ZNF678: variants seen among roughly 807,000 people sequenced by gnomAD.
ZNF678 encodes the protein zinc finger protein 678, also known as hypothetical protein MGC42493.
ZNF678 carries 5 observed loss-of-function variants against 3.0 expected under a neutral mutation model. That is an observed-to-expected ratio of 1.69 (90% CI 0.88 to 3.56). ZNF678 has a LOEUF of 3.56. Among genes scored for constraint, ZNF678 ranks in the 30% most tolerant of loss-of-function variants. The pLI is 0.00. For synonymous variants in ZNF678, 218 were observed against 199.6 expected (o/e 1.09, Z -0.78); for missense variants, 593 against 605.0 (o/e 0.98, Z 0.21).
Position 227,656,926 on chromosome 1 carries a change from A to G in ZNF678, c.*1098A>G. On this transcript the variant is annotated 3_prime_UTR_variant, in exon 4 of 4. Coordinates refer to ENST00000343776, the MANE Select transcript of ZNF678 (RefSeq NM_001367909.1). ...AAGTTGTAGGTAACAGATAGTAACA[A>G]TACACTACTGGGTAACAGTGAAAGG... The G allele has an allele frequency of 6.6e-6, 1 of 151,992 alleles. No homozygotes were observed. The highest frequency in any genetic ancestry group is 1.9e-4 in the East Asian group (1 of 5,192). 9.4% of individuals were successfully genotyped at this position (151,992 alleles called of 1,614,324 possible). A position where few individuals can be genotyped will look rare whatever the true frequency, so the allele number is the denominator to read the frequency against.
At chr1:227,590,972 C>G (rs1657398178) in intron 1 of ZNF678, among the ~76,000 whole-genome samples, 1 of 151,736 alleles carries the variant, frequency 6.6e-6, no homozygotes, top group Non-Finnish European at 1.5e-5. Context: ...CATTCAGGAA[C>G]TGGGTCTGTA....
intron 3 of ZNF678, among the ~76,000 whole-genome samples, chr1:227,653,937 A>C (rs542153514): frequency 1.8e-4 from 28 of 152,230 alleles, no homozygotes; most frequent in Non-Finnish European, 2.5e-4. Flanking sequence ...AAGTATGGGC[A>C]CATGTGCAAT....
At chr1:227,619,548 G>T (rs1030082613) in intron 1 of ZNF678, among the ~76,000 whole-genome samples, 1 of 151,918 alleles carries the variant, frequency 6.6e-6, no homozygotes, top group African/African-American at 2.4e-5. Context: ...GTCTTGCTCT[G>T]TTGCCCAGGC....
chr1:227,564,421 C>T (rs1286502696), intron 1 of ZNF678, among the ~76,000 whole-genome samples: 5 of 152,224 alleles, frequency 3.3e-5, no homozygotes. Context: ...ACTAGAGCCA[C>T]CTCAGTCTAA....
chr1:227,643,316 A>G (rs6703846), intron 1 of ZNF678, among the ~76,000 whole-genome samples: 105,203 of 152,084 alleles, frequency 0.69, 37,749 homozygotes, highest in African/African-American at 0.89. Flanking sequence ...TATATTTATT[A>G]TTAGGTTACA....
At chr1:227,565,700 A>G (rs1391048435) in intron 1 of ZNF678, among the ~76,000 whole-genome samples, 1 of 152,250 alleles carries the variant, frequency 6.6e-6, no homozygotes, top group Non-Finnish European at 1.5e-5. Context: ...GACGCCTTGT[A>G]CAAAATCTTT....
chr1:227,666,266 A>G (rs1659502591), downstream of ZNF678, among the ~76,000 whole-genome samples: 1 of 152,182 alleles, frequency 6.6e-6, no homozygotes, highest in Non-Finnish European at 1.5e-5. Context: ...AAAGAGGGTA[A>G]ACAAAAAAGG....
chr1:227,578,958 A>C (rs527240277), intron 1 of ZNF678, among the ~76,000 whole-genome samples: 1 of 151,962 alleles, frequency 6.6e-6, no homozygotes, highest in Non-Finnish European at 1.5e-5. Context: ...TGAGAATTTG[A>C]TTGTGGTAAA....
In ZNF678 at chr1:227,655,440, G is replaced by A. The variant is rs774358244; in HGVS notation, c.1190G>A (p.Arg397Lys). 1 of 1,612,140 alleles carries A rather than the reference G, an allele frequency of 6.2e-7. No individual in the cohort carries two copies. The highest frequency in any genetic ancestry group is 1.3e-5 in the African/African-American group (1 of 74,734). The change falls in exon 4 of 4, where the codon AGA (arginine) becomes AAA (lysine). Residue 397 changes from arginine to lysine, a missense_variant. Transcript: ENST00000343776. ...TTCTCAAGCCTTACTCAACATAGGAGAATTCATACTGGAGTGAAACCCTAC... is the reference window on the plus strand; with the variant it reads ...TTCTCAAGCCTTACTCAACATAGGAAAATTCATACTGGAGTGAAACCCTAC... ...NKFSSLTQHR[R>K]IHTGVKPYKC...
chr1:227,616,648 G>A (rs1658149288), intron 1 of ZNF678, among the ~76,000 whole-genome samples: 1 of 152,202 alleles, frequency 6.6e-6, no homozygotes, highest in Non-Finnish European at 1.5e-5. Flanking sequence ...TGTGTTTGGG[G>A]GAGGCAGCAT....
rs1659345678 is a variant in ZNF678 at position 227,659,620 on chromosome 1, A to T, written c.*3792A>T. The T allele has an allele frequency of 6.8e-6, 1 of 147,814 alleles. No homozygotes were observed. Among genetic ancestry groups the T allele is most frequent in the African/African-American group, 2.6e-5 (1 of 38,980 alleles). 9.2% of individuals were successfully genotyped at this position (147,814 alleles called of 1,614,324 possible). Reference sequence around the variant, plus strand: ...TTCTATGCTTATGGCTGATAAGTAGACATTTTTAAAAATCATAAAAACTGT... The same window carrying T: ...TTCTATGCTTATGGCTGATAAGTAGTCATTTTTAAAAATCATAAAAACTGT... On this transcript the variant is annotated 3_prime_UTR_variant, in exon 4 of 4. Coordinates refer to ENST00000343776, the MANE Select transcript of ZNF678 (RefSeq NM_001367909.1).
chr1:227,665,703 G>A (rs1659493885), downstream of ZNF678, among the ~76,000 whole-genome samples: 1 of 152,200 alleles, frequency 6.6e-6, no homozygotes, highest in Non-Finnish European at 1.5e-5. Context: ...CTAAGCCTGA[G>A]CATATTTTGT....
chr1:227,620,468 C>T (rs567271842), intron 1 of ZNF678, among the ~76,000 whole-genome samples: 7 of 152,188 alleles, frequency 4.6e-5, no homozygotes, highest in Admixed American at 1.3e-4. Context: ...AAGGGACTTG[C>T]GTTGTTTCAC....
chr1:227,575,390 T>C (rs1481477016), intron 1 of ZNF678, among the ~76,000 whole-genome samples: 1 of 152,214 alleles, frequency 6.6e-6, no homozygotes, highest in Non-Finnish European at 1.5e-5. Flanking sequence ...TGGAATGTTT[T>C]TCCGTTTGTT....
At chr1:227,651,231 A>G (rs1440270191) in intron 3 of ZNF678, among the ~76,000 whole-genome samples, 155 bp downstream of exon 3, 2 of 152,058 alleles carry the variant, frequency 1.3e-5, no homozygotes, top group African/African-American at 4.8e-5. Flanking sequence ...GTGCTTGTGA[A>G]TTCTGTCTTA....
chr1:227,624,468 C>T (rs1462966630), intron 1 of ZNF678, among the ~76,000 whole-genome samples: 1 of 152,234 alleles, frequency 6.6e-6, no homozygotes, highest in Non-Finnish European at 1.5e-5. Flanking sequence ...CCTCCTTCCT[C>T]ATCCCCACTG....
chr1:227,627,368 G>T (rs1179925322), intron 1 of ZNF678, among the ~76,000 whole-genome samples: 1 of 151,986 alleles, frequency 6.6e-6, no homozygotes, highest in African/African-American at 2.4e-5. Context: ...TTGGGGCTTG[G>T]TTTCCTGAAG....
Position 227,563,570 on chromosome 1 carries a change from C to A in ZNF678, c.-318C>A, listed in dbSNP as rs575427276. On this transcript the variant is annotated 5_prime_UTR_variant, in exon 1 of 4. Transcript: ENST00000343776. Reference sequence around the variant, plus strand: ...TCTGGCGGGGCCTTTGTCTTGTGCTCCAGCTGGAGCTTTGGTCCCGTATTC... The same window carrying A: ...TCTGGCGGGGCCTTTGTCTTGTGCTACAGCTGGAGCTTTGGTCCCGTATTC... 57 of 775,494 alleles carry A rather than the reference C, an allele frequency of 7.4e-5. No homozygotes were observed. The African/African-American group carries it at 9.5e-4, about 13-fold the overall frequency. 48.0% of individuals were successfully genotyped at this position (775,494 alleles called of 1,614,324 possible).
chr1:227,578,567 TGGAATG>T (rs914841906), intron 1 of ZNF678, among the ~76,000 whole-genome samples: 2 of 152,222 alleles, frequency 1.3e-5, no homozygotes, highest in Admixed American at 6.5e-5. Flanking sequence ...ACAAAATTCT[TGGAATG>T]GGTTTTTTAG....
Sources: gnomAD v4.1 joint callset for allele counts (sites outside exome capture counted in the v4.1 genomes callset) on GRCh38, gnomAD v4.1.1 for gene constraint, MANE v1.5 for transcripts, NCBI Gene and HGNC (gene_info 2026-07-23, HGNC 2026-07-21) for gene names.